Variants in MIER1 observed in about 807,000 individuals in gnomAD.
MIER1 encodes the protein mesoderm induction early response protein 1.
A neutral mutation model predicts 75.7 loss-of-function variants in MIER1; 40 were observed. The ratio of observed to expected loss-of-function variants is 0.53; its 90% CI spans 0.41 to 0.69. MIER1 has a LOEUF of 0.69. Ranked by LOEUF, MIER1 falls within the 30% of genes least tolerant of loss-of-function variation. The probability of loss-of-function intolerance (pLI) is 0.00; values close to 1 mark genes in which losing one functional copy is unlikely to be tolerated. For missense variants in MIER1, 574 were observed against 680.2 expected (o/e 0.84, Z 1.74); for synonymous variants, 213 against 223.4 (o/e 0.95, Z 0.42).
At position 66,970,793 on chromosome 1, in the gene MIER1, C is replaced by A; in HGVS notation, c.773-15C>A. On this transcript the variant is annotated splice_polypyrimidine_tract_variant and intron_variant, in intron 8 of 13. Transcript: ENST00000401041. ...TTTTTAGAAATTTGTTTAACATTGT[C>A]TTTTACTAATTTAGTATATGAAAAT... 3 of 1,524,956 alleles carry A rather than the reference C, an allele frequency of 2.0e-6. No individual in the cohort carries two copies. The highest frequency in any genetic ancestry group is 1.3e-5 in the South Asian group (1 of 75,852). 94.5% of individuals were successfully genotyped at this position (1,524,956 alleles called of 1,614,324 possible).
chr1:66,925,648 C>A, intron 1 of MIER1: 1 of 666,850 alleles, frequency 1.5e-6, no homozygotes, highest in Non-Finnish European at 1.9e-6. Flanking sequence ...GTGGGAGGAT[C>A]CCTTGGGACA....
At position 66,985,886 on chromosome 1, in the gene MIER1, G is replaced by C; in HGVS notation, c.*986G>C. The C allele has an allele frequency of 1.1e-6, 1 of 893,972 alleles. No individual in the cohort carries two copies. Among genetic ancestry groups the C allele is most frequent in the Non-Finnish European group, 1.3e-6 (1 of 751,660 alleles). The allele number at this position is 893,972 out of a possible 1,614,324, so 55.4% of individuals were successfully genotyped here. A position where few individuals can be genotyped will look rare whatever the true frequency, so the allele number is the denominator to read the frequency against. ...ATTTGAGAATTCTGAAATTAAGCAT[G>C]ATGCTTAGATTGCAGTTTGTTTTGC... On this transcript the variant is annotated 3_prime_UTR_variant, in exon 14 of 14. Coordinates refer to ENST00000401041, the MANE Select transcript of MIER1 (RefSeq NM_001077700.3).
At chr1:66,938,768 G>A (rs915998514) in intron 2 of MIER1, among the ~76,000 whole-genome samples, 1 of 152,016 alleles carries the variant, frequency 6.6e-6, no homozygotes, top group African/African-American at 2.4e-5. Context: ...ATGCAATACT[G>A]GTTATTGTCA....
At chr1:66,949,210 A>G (rs907079759) in intron 4 of MIER1, among the ~76,000 whole-genome samples, 7 of 152,184 alleles carry the variant, frequency 4.6e-5, no homozygotes, top group Admixed American at 6.5e-5. Context: ...TATTAGCTAA[A>G]ATACTAATTA....
rs557048883 is a variant in MIER1, at chr1:66,985,768, C to T, written c.*868C>T. ...TTAAGTGTTTGTGTAGTAATTAAGT[C>T]ATATTTCTTATCCAGGTGGTTAAAG... On this transcript the variant is annotated 3_prime_UTR_variant, in exon 14 of 14. Transcript: ENST00000401041. 7.7e-5 allele frequency: 71 copies of T among 919,666 alleles called. No individual in the cohort carries two copies. The highest frequency in any genetic ancestry group is 1.1e-3 in the Middle Eastern group (2 of 1,776). 57.0% of individuals were successfully genotyped at this position (919,666 alleles called of 1,614,324 possible).
chr1:66,960,804 A>C (rs12742428), intron 7 of MIER1, among the ~76,000 whole-genome samples: 2 of 152,022 alleles, frequency 1.3e-5, no homozygotes, highest in South Asian at 4.1e-4. Flanking sequence ...TGTGTGGCCT[A>C]TTTGGGCAAG....
chr1:66,976,814 C>G, intron 12 of MIER1, 92 bp downstream of exon 12: 1 of 1,098,408 alleles, frequency 9.1e-7, no homozygotes, highest in Non-Finnish European at 1.2e-6. Flanking sequence ...GATAATCTTG[C>G]TTTTATATAC....
intron 4 of MIER1, chr1:66,947,297 T>G (rs1289074045): frequency 6.6e-6 from 1 of 152,274 alleles, no homozygotes; most frequent in Admixed American, 6.5e-5. Context: ...TCTCCAGTTT[T>G]GTTTGTCCAC....
At chr1:66,928,530 A>G (rs1380566468) in intron 2 of MIER1, among the ~76,000 whole-genome samples, 3 of 152,150 alleles carry the variant, frequency 2.0e-5, no homozygotes, top group Admixed American at 6.5e-5. Flanking sequence ...TTGTACCTCT[A>G]GGCCCCTAAT....
chr1:66,949,062 G>C (rs1570264432), intron 4 of MIER1, among the ~76,000 whole-genome samples: 3 of 152,178 alleles, frequency 2.0e-5, no homozygotes, highest in Non-Finnish European at 4.4e-5. Context: ...TCATGTATTT[G>C]TGAAGTGAGA....
At chr1:66,946,887 G>C in intron 4 of MIER1, 1 of 985,030 alleles carries the variant, frequency 1.0e-6, no homozygotes, top group Non-Finnish European at 1.2e-6. Context: ...CCACTGTCTG[G>C]TTTTCTTTAT....
At chr1:66,983,655 T>G (rs1311252751) in intron 13 of MIER1, among the ~76,000 whole-genome samples, 1 of 152,236 alleles carries the variant, frequency 6.6e-6, no homozygotes, top group Non-Finnish European at 1.5e-5. Context: ...AAGTATATGC[T>G]TGGATAGTGC....
intron 8 of MIER1, among the ~76,000 whole-genome samples, chr1:66,964,073 A>T (rs1661817034): frequency 7.0e-6 from 1 of 141,880 alleles, no homozygotes; most frequent in East Asian, 2.0e-4. Flanking sequence ...ATACTTGAAG[A>T]TTTTTTTTTT....
intron 3 of MIER1, among the ~76,000 whole-genome samples, chr1:66,944,574 A>G (rs766892767): frequency 6.6e-6 from 1 of 151,818 alleles, no homozygotes; most frequent in Non-Finnish European, 1.5e-5. Flanking sequence ...TCAGTTAGAC[A>G]TGTTTATTAG....
At chr1:66,925,258 T>A in intron 1 of MIER1, 163 bp downstream of exon 1, 1 of 983,738 alleles carries the variant, frequency 1.0e-6, no homozygotes, top group Non-Finnish European at 1.2e-6. Context: ...AGAACGCGCC[T>A]GGCTTGCTCT....
Position 66,976,600 on chromosome 1 carries a change from A to G in MIER1, c.1107A>G (p.Arg369=), listed in dbSNP as rs1664779124. The stretch of plus-strand genomic sequence containing the variant: ...CAAGCATTTGTTTCTTACAGGTCCG[A>G]ACAAGGTCAGTTGGTGAATGTGTAG... ...DFHLIQANKV[R]TRSVGECVAF... Residue 369 remains arginine, a synonymous_variant, in exon 12 of 14, where the codon CGA becomes CGG. Transcript: ENST00000401041. The G allele has an allele frequency of 5.7e-6, 9 of 1,586,792 alleles. No individual in the cohort carries two copies. In the East Asian group the frequency reaches 6.8e-5, roughly 12 times the overall value.
intron 1 of MIER1, chr1:66,925,487 C>T: frequency 1.0e-6 from 1 of 985,478 alleles, no homozygotes; most frequent in Non-Finnish European, 1.2e-6. Flanking sequence ...ATTTCCCTCA[C>T]TTGTGTCCCA....
chr1:66,928,937 T>G (rs1475807967), intron 2 of MIER1: 1 of 1,608,508 alleles, frequency 6.2e-7, no homozygotes, highest in African/African-American at 1.3e-5. Context: ...AGACTGTCTG[T>G]GGACTCTTTT....
chr1:66,931,021 T>C (rs949075035), intron 2 of MIER1, among the ~76,000 whole-genome samples: 4 of 151,978 alleles, frequency 2.6e-5, no homozygotes, highest in African/African-American at 9.7e-5. Context: ...TCTGAGCTGC[T>C]TTTCCACCTC....
Sources: allele counts gnomAD v4.1 joint callset (sites outside exome capture counted in the v4.1 genomes callset), GRCh38; gene constraint gnomAD v4.1.1; transcripts MANE v1.5; gene names NCBI Gene and HGNC (gene_info 2026-07-23, HGNC 2026-07-21).